SLC23A2: variants seen among roughly 807,000 people sequenced by gnomAD.
SLC23A2 encodes the protein solute carrier family 23 member 2.
Under a neutral mutation model 73.3 loss-of-function variants are expected in SLC23A2, and 36 were observed. The ratio of observed to expected loss-of-function variants is 0.49; its 90% CI spans 0.38 to 0.65. The LOEUF (loss-of-function observed/expected upper bound fraction) is 0.65, where lower values mean the gene tolerates loss of function less well. Ranked by LOEUF, SLC23A2 falls within the 30% of genes least tolerant of loss-of-function variation. SLC23A2 has a pLI of 0.00. For missense variants in SLC23A2, 507 were observed against 841.6 expected (o/e 0.60, Z 4.92); for synonymous variants, 343 against 327.3 (o/e 1.05, Z -0.52).
intron 5 of SLC23A2, among the ~76,000 whole-genome samples, chr20:4,901,608 T>C (rs1457959129): frequency 6.6e-6 from 1 of 152,066 alleles, no homozygotes; most frequent in East Asian, 1.9e-4. Flanking sequence ...ACCACCCACC[T>C]TGTCCCTGAG....
rs928475993 is a variant in SLC23A2 at position 4,998,994 on chromosome 20, G to A, written c.-282+2412C>T. 8.6e-5 allele frequency among the ~76,000 whole-genome samples: 13 copies of A among 151,886 alleles called. No homozygotes were observed. The highest frequency in any genetic ancestry group is 2.7e-4 in the African/African-American group (11 of 41,364). On this transcript the variant is annotated intron_variant, in intron 1 of 16. Coordinates refer to ENST00000338244, the MANE Select transcript of SLC23A2 (RefSeq NM_005116.6). The surrounding 1 kb of genome is among the most constrained non-coding windows in gnomAD (Gnocchi z 4.1). Reference sequence around the variant, plus strand: ...TAACTTTTGTATTTTTAGTAGAGACGAGGTTTCACCATGGTGGCCAGGCTG... The same window carrying A: ...TAACTTTTGTATTTTTAGTAGAGACAAGGTTTCACCATGGTGGCCAGGCTG...
At chr20:4,867,212 G>T (rs868145391) in intron 13 of SLC23A2, among the ~76,000 whole-genome samples, 1 of 151,882 alleles carries the variant, frequency 6.6e-6, no homozygotes, top group Non-Finnish European at 1.5e-5. Flanking sequence ...TCCCTGACCC[G>T]CACTGGCCTC....
chr20:4,901,945 T>C (rs1192323910), intron 5 of SLC23A2, among the ~76,000 whole-genome samples: 2 of 152,230 alleles, frequency 1.3e-5, no homozygotes, highest in Non-Finnish European at 2.9e-5. Context: ...GAACATCTTC[T>C]TTCTTTTCCC....
rs142322986 is a variant in SLC23A2, at chr20:4,912,948, C to T, written c.139G>A (p.Gly47Ser). 1.9e-4 allele frequency: 310 copies of T among 1,612,878 alleles called. 1 individual carries two copies. The African/African-American group carries it at 2.8e-3, about 15-fold the overall frequency. Residue 47 changes from glycine to serine, a missense_variant, in exon 4 of 17, where the codon GGT (glycine) becomes AGT (serine). Transcript: ENST00000338244. Reference sequence around the variant, plus strand: ...TCAGTGTCCTCATTGTCCTGCTCACCGCTGGAGGTGGCGCCTCCATTTATC... The same window carrying T: ...TCAGTGTCCTCATTGTCCTGCTCACTGCTGGAGGTGGCGCCTCCATTTATC... The part of the protein sequence containing the change: ...VVINGGATSS[G>S]EQDNEDTELM...
intron 11 of SLC23A2, 121 bp downstream of exon 11, chr20:4,873,815 A>T (rs965173133): frequency 8.0e-5 from 78 of 979,732 alleles, no homozygotes; most frequent in South Asian, 4.8e-5. Context: ...TCCTCTCCTG[A>T]CCAGAATGGC....
chr20:4,949,997 C>T (rs933500402), intron 2 of SLC23A2, among the ~76,000 whole-genome samples: 2 of 152,192 alleles, frequency 1.3e-5, no homozygotes, highest in Non-Finnish European at 1.5e-5. Context: ...TTTTATAACC[C>T]ACACAGGCTG....
chr20:4,902,235 C>G lies in SLC23A2; in HGVS notation c.324+207G>C, dbSNP rs73064456. Among the ~76,000 whole-genome samples the G allele has an allele frequency of 0.024, 3,721 of 152,286 alleles. 75 individuals carry two copies. Among genetic ancestry groups the G allele is most frequent in the Middle Eastern group, 0.058 (17 of 294 alleles). The stretch of plus-strand genomic sequence containing the variant: ...CCCAGGCTGGTCTTGAGCTCCTAGG[C>G]TCCAGTGATCTGCCCACCTCAGCCT... On this transcript the variant is annotated intron_variant, in intron 5 of 16. Transcript: ENST00000338244. This position sits in a 1 kb window ranked among gnomAD's most constrained non-coding sequence, Gnocchi z 4.0.
In SLC23A2 at chr20:4,971,635, A is replaced by T. The variant is rs562043998; in HGVS notation, c.-281-716T>A. On this transcript the variant is annotated intron_variant, in intron 1 of 16. Coordinates refer to ENST00000338244, the MANE Select transcript of SLC23A2 (RefSeq NM_005116.6). Reference sequence around the variant, plus strand: ...TGTCTCTACAAAAAAAAAAAAAAAAAAATTATCTCGTCGTGGTGGCACACA... The same window carrying T: ...TGTCTCTACAAAAAAAAAAAAAAAATAATTATCTCGTCGTGGTGGCACACA... 3.5e-3 allele frequency among the ~76,000 whole-genome samples: 538 copies of T among 151,666 alleles called. 4 individuals carry two copies. Among genetic ancestry groups the T allele is most frequent in the African/African-American group, 0.012 (500 of 41,300 alleles).
At chr20:4,931,640 A>G (rs1932791859) in intron 3 of SLC23A2, among the ~76,000 whole-genome samples, 1 of 151,948 alleles carries the variant, frequency 6.6e-6, no homozygotes, top group Non-Finnish European at 1.5e-5. Context: ...CAGGCTGCAC[A>G]CACCTATAGT....
intron 3 of SLC23A2, among the ~76,000 whole-genome samples, chr20:4,931,378 T>C (rs372936853): frequency 1.3e-5 from 2 of 152,182 alleles, no homozygotes; most frequent in East Asian, 1.9e-4. Context: ...TAGATCCATC[T>C]ACCCTCAAAT....
chr20:4,899,501 GCGCTCAATGCCTTCT>G lies in SLC23A2; in HGVS notation c.482+39_482+53del, dbSNP rs1931668014. The G allele has an allele frequency of 3.4e-5, 2 of 59,654 alleles. No homozygotes were observed. The highest frequency in any genetic ancestry group is 5.2e-5 in the Non-Finnish European group (2 of 38,286). 3.7% of individuals were successfully genotyped at this position (59,654 alleles called of 1,614,324 possible). A position where few individuals can be genotyped will look rare whatever the true frequency, so the allele number is the denominator to read the frequency against. Reference sequence around the variant, plus strand: ...CAAACGGCGCAGCTCAATGCCTTCTGCGCTCAATGCCTTCTGGGGGCTTTGGCATCCCCCATTAGT... The same window carrying G: ...CAAACGGCGCAGCTCAATGCCTTCTGGGGGGCTTTGGCATCCCCCATTAGT... On this transcript the variant is annotated intron_variant, in intron 6 of 16. Transcript: ENST00000338244. The surrounding 1 kb of genome is among the most constrained non-coding windows in gnomAD (Gnocchi z 4.9).
intron 9 of SLC23A2, among the ~76,000 whole-genome samples, chr20:4,875,379 T>C (rs537190107): frequency 4.9e-4 from 74 of 152,154 alleles, no homozygotes; most frequent in Admixed American, 4.1e-3. Flanking sequence ...CATCTCAACC[T>C]TACGGGGTGG....
chr20:4,912,886 TGCAATGCCGTTTTCC>T lies in SLC23A2; in HGVS notation c.186_200del (p.Asn64_Glu68del). ...GGGGTGACGGAAGGGGTACCTTTTC[TGCAATGCCGTTTTCC>T]GTAGTGTAGATCGCCATGAGCTCAG... On this transcript the variant is annotated inframe_deletion, in exon 4 of 17. Transcript: ENST00000338244. 1 of 1,606,760 alleles carries T rather than the reference TGCAATGCCGTTTTCC, an allele frequency of 6.2e-7. No individual in the cohort carries two copies. The highest frequency in any genetic ancestry group is 8.5e-7 in the Non-Finnish European group (1 of 1,173,456).
In SLC23A2 at chr20:4,899,817, A is replaced by G; in HGVS notation, c.325-105T>C. The G allele has an allele frequency of 8.6e-7, 1 of 1,156,164 alleles. No individual in the cohort carries two copies. The highest frequency in any genetic ancestry group is 1.2e-6 in the Non-Finnish European group (1 of 809,896). The allele number at this position is 1,156,164 out of a possible 1,614,324, so 71.6% of individuals were successfully genotyped here. On this transcript the variant is annotated intron_variant, in intron 5 of 16. Coordinates refer to ENST00000338244, the MANE Select transcript of SLC23A2 (RefSeq NM_005116.6). This position sits in a 1 kb window ranked among gnomAD's most constrained non-coding sequence, Gnocchi z 4.9. The stretch of plus-strand genomic sequence containing the variant: ...TTATTGTCGTTAAAAAATAGCCCAC[A>G]TAAAGAATCTCCTTGGTTTTTCGAC...
intron 2 of SLC23A2, among the ~76,000 whole-genome samples, chr20:4,944,931 C>T (rs1715392): frequency 0.2 from 30,403 of 151,198 alleles, 6,050 homozygotes; most frequent in African/African-American, 0.52. Flanking sequence ...TCAGAAAAGA[C>T]TGTTGGAACA....
chr20:4,917,512 C>T (rs1312152044), intron 3 of SLC23A2, among the ~76,000 whole-genome samples: 5 of 152,136 alleles, frequency 3.3e-5, no homozygotes, highest in South Asian at 2.1e-4. Context: ...CCCAAAGAGA[C>T]TGGCAGGAGG....
chr20:4,948,492 T>C (rs1352432376), intron 2 of SLC23A2, among the ~76,000 whole-genome samples: 3 of 152,140 alleles, frequency 2.0e-5, no homozygotes, highest in South Asian at 2.1e-4. Context: ...TCTCCCAAGA[T>C]AAGGAAAAGG....
At position 4,868,150 on chromosome 20, in the gene SLC23A2, G is replaced by C. The variant is rs112078802; in HGVS notation, c.1251-275C>G. Among the ~76,000 whole-genome samples the C allele has an allele frequency of 0.041, 6,029 of 146,300 alleles. 205 individuals carry two copies. Among genetic ancestry groups the C allele is most frequent in the African/African-American group, 0.097 (3,768 of 38,914 alleles). On this transcript the variant is annotated intron_variant, in intron 12 of 16. Transcript: ENST00000338244. The surrounding 1 kb of genome is among the most constrained non-coding windows in gnomAD (Gnocchi z 4.4). ...GCTGGAATGCAGTGACGCGATCTTG[G>C]CTCACTGCAACCTCCACCTCCTGGG...
chr20:4,874,771 T>C (rs756166145), intron 9 of SLC23A2, 75 bp from the exon 10 acceptor site: 13 of 1,286,978 alleles, frequency 1.0e-5, no homozygotes, highest in Non-Finnish European at 1.4e-5. Context: ...GAAGCTTCTA[T>C]GGCAAAATTG....
Sources: allele counts gnomAD v4.1 joint callset (sites outside exome capture counted in the v4.1 genomes callset), GRCh38; gene constraint gnomAD v4.1.1; non-coding constraint Gnocchi (gnomAD v3.1); transcripts MANE v1.5; gene names NCBI Gene and HGNC (gene_info 2026-07-23, HGNC 2026-07-21).